The following EYS variants were observed in gnomAD, a reference collection of about 807,000 sequenced individuals.
The protein encoded by EYS is EGF-like photoreceptor maintenance factor, also known as protein eyes shut homolog.
EYS carries 250 observed loss-of-function variants against 282.1 expected under a neutral mutation model. That is an observed-to-expected ratio of 0.89 (90% CI 0.80 to 0.98). The LOEUF (loss-of-function observed/expected upper bound fraction) is 0.98, where lower values mean the gene tolerates loss of function less well. Among genes scored for constraint, EYS ranks in the 50% least tolerant of loss-of-function variants. The pLI is 0.00. For missense variants in EYS, 4,016 were observed against 3,709.0 expected (o/e 1.08, Z -2.15); for synonymous variants, 1,355 against 1,282.9 (o/e 1.06, Z -1.20).
intron 8 of EYS, among the ~76,000 whole-genome samples, chr6:65,363,343 T>C (rs1002804355): frequency 3.3e-5 from 5 of 152,042 alleles, no homozygotes; most frequent in East Asian, 3.9e-4. Context: ...CTTCTTATAA[T>C]AGTGGCATAA....
At chr6:65,443,399 T>C (rs948286425) in intron 5 of EYS, among the ~76,000 whole-genome samples, 3 of 150,368 alleles carry the variant, frequency 2.0e-5, no homozygotes, top group African/African-American at 4.9e-5. Context: ...TGCATACATG[T>C]ATGTACACAT....
At chr6:65,295,502 T>C (rs781086637) in intron 12 of EYS, among the ~76,000 whole-genome samples, 36 of 151,970 alleles carry the variant, frequency 2.4e-4, no homozygotes, top group Non-Finnish European at 4.4e-4. Context: ...TCCATGTGCT[T>C]ATGCAGCCAA....
chr6:65,283,332 T>A (rs1562071088), intron 12 of EYS, among the ~76,000 whole-genome samples: 1 of 151,974 alleles, frequency 6.6e-6, no homozygotes, highest in Non-Finnish European at 1.5e-5. Context: ...TACATTGATA[T>A]TTATTTTATA....
At chr6:65,485,027 C>T (rs1765738212) in intron 5 of EYS, among the ~76,000 whole-genome samples, 1 of 152,150 alleles carries the variant, frequency 6.6e-6, no homozygotes. Flanking sequence ...TTTGCCAGCC[C>T]TTGGTATAAA....
rs141217600 is a variant in EYS at position 64,257,007 on chromosome 6, G to T, written c.6192-26183C>A. On this transcript the variant is annotated intron_variant, in intron 30 of 42. Transcript: ENST00000503581. ...CAGGTCATTTCCTTTCTTATATGTA[G>T]TCAACACCTCAAAATCTATTATGTC... 4.5e-3 allele frequency among the ~76,000 whole-genome samples: 680 copies of T among 151,970 alleles called. 4 individuals carry two copies. The highest frequency in any genetic ancestry group is 0.015 in the African/African-American group (642 of 41,466).
chr6:65,095,296 A>G (rs1774707612), intron 12 of EYS, among the ~76,000 whole-genome samples: 1 of 151,238 alleles, frequency 6.6e-6, no homozygotes, highest in Non-Finnish European at 1.5e-5. Flanking sequence ...AGGACACAAA[A>G]TTTCAGTTAG....
rs1279768465 is a variant in EYS, at chr6:65,552,070, T to C, written c.-332-56077A>G. ...GACATTTATGCAGCCAAAAAACACA[T>C]GAAGAAATGCTCATCATCACTGGCC... is the stretch of plus-strand genomic sequence containing the variant. On this transcript the variant is annotated intron_variant, in intron 2 of 42. Transcript: ENST00000503581. 3.5e-4 allele frequency among the ~76,000 whole-genome samples: 4 copies of C among 11,426 alleles called. 2 individuals carry two copies. In the Admixed American group the frequency reaches 6.8e-3, roughly 19 times the overall value. The allele number at this position is 11,426 out of a possible 152,430, so 7.5% of individuals were successfully genotyped here.
chr6:65,438,353 A>G (rs993196942), intron 5 of EYS, among the ~76,000 whole-genome samples: 22 of 152,036 alleles, frequency 1.4e-4, no homozygotes, highest in African/African-American at 5.3e-4. Context: ...ATGATTTATA[A>G]TCCTTTGGGT....
intron 28 of EYS, among the ~76,000 whole-genome samples, chr6:64,410,829 T>C (rs961361907): frequency 3.3e-5 from 5 of 152,166 alleles, no homozygotes; most frequent in Non-Finnish European, 7.4e-5. Context: ...CCTACTATGA[T>C]GATAAACTTT....
chr6:65,370,063 C>T (rs1355664577), intron 8 of EYS, among the ~76,000 whole-genome samples: 1 of 151,550 alleles, frequency 6.6e-6, no homozygotes, highest in Non-Finnish European at 1.5e-5. Context: ...GATAGATGGT[C>T]ACAGTATTTC....
chr6:64,448,670 C>T (rs955229675), intron 26 of EYS, among the ~76,000 whole-genome samples: 15 of 152,134 alleles, frequency 9.9e-5, no homozygotes, highest in African/African-American at 1.4e-4. Context: ...TCCAGAGGAA[C>T]GATCAGGCAG....
chr6:64,625,111 G>A (rs992847992), intron 23 of EYS, among the ~76,000 whole-genome samples: 17 of 151,994 alleles, frequency 1.1e-4, no homozygotes, highest in East Asian at 5.8e-4. Context: ...AGGAAATTTA[G>A]GCATTGAACA....
intron 22 of EYS, among the ~76,000 whole-genome samples, chr6:64,642,422 C>T (rs1436315086): frequency 6.6e-6 from 1 of 152,062 alleles, no homozygotes; most frequent in Non-Finnish European, 1.5e-5. Flanking sequence ...TGGTTATATA[C>T]ACATATTTTC....
intron 31 of EYS, among the ~76,000 whole-genome samples, chr6:64,195,123 A>C (rs537473683): frequency 1.3e-3 from 190 of 151,908 alleles, no homozygotes; most frequent in Middle Eastern, 0.01. Flanking sequence ...ATTTTCTTTA[A>C]GCATCACTGT....
At chr6:65,339,061 T>C (rs1296228787) in intron 10 of EYS, among the ~76,000 whole-genome samples, 2 of 151,244 alleles carry the variant, frequency 1.3e-5, no homozygotes, top group East Asian at 3.9e-4. Flanking sequence ...AGATCTAATA[T>C]ATGCCCTTTA....
chr6:63,799,076 C>A (rs368379279), intron 37 of EYS, among the ~76,000 whole-genome samples: 5 of 145,582 alleles, frequency 3.4e-5, no homozygotes, highest in South Asian at 4.3e-4. Context: ...TGCAATGGCA[C>A]GATCTCAGCT....
intron 26 of EYS, among the ~76,000 whole-genome samples, chr6:64,447,795 A>G (rs1775167169): frequency 6.6e-6 from 1 of 152,242 alleles, no homozygotes; most frequent in Admixed American, 6.5e-5. Flanking sequence ...CTAGTCAAGT[A>G]GTTGAATAAC....
chr6:65,110,177 T>G (rs1775174265), intron 12 of EYS, among the ~76,000 whole-genome samples: 1 of 152,170 alleles, frequency 6.6e-6, no homozygotes, highest in Non-Finnish European at 1.5e-5. Flanking sequence ...GTTTTTCTAC[T>G]ATCTTTTACT....
At chr6:64,947,268 T>A (rs1769318607) in intron 14 of EYS, among the ~76,000 whole-genome samples, 1 of 151,826 alleles carries the variant, frequency 6.6e-6, no homozygotes, top group Non-Finnish European at 1.5e-5. Context: ...GACAGCAAAT[T>A]TTTTTTACAA....
Sources: allele counts gnomAD v4.1 joint callset (sites outside exome capture counted in the v4.1 genomes callset), GRCh38; gene constraint gnomAD v4.1.1; transcripts MANE v1.5; gene names NCBI Gene and HGNC (gene_info 2026-07-23, HGNC 2026-07-21).